NCOR2: variants seen among roughly 807,000 people sequenced by gnomAD.
The protein encoded by NCOR2 is CTG repeat protein 26.
NCOR2 carries 81 observed loss-of-function variants against 262.9 expected under a neutral mutation model. That is an observed-to-expected ratio of 0.31 (90% CI 0.26 to 0.37). The LOEUF (loss-of-function observed/expected upper bound fraction) is 0.37, where lower values mean the gene tolerates loss of function less well. Among genes scored for constraint, NCOR2 ranks in the 10% least tolerant of loss-of-function variants. The pLI is 1.00. For synonymous variants in NCOR2, 1,659 were observed against 1,559.3 expected, an observed-to-expected ratio of 1.06 and a Z score of -1.51; for missense variants, 3,385 against 3,621.4, an observed-to-expected ratio of 0.93 and a Z score of 1.68.
chr12:124,467,233 C>T (rs1219064228), intron 4 of NCOR2, among the ~76,000 whole-genome samples: 2 of 110,364 alleles, frequency 1.8e-5, no homozygotes, highest in African/African-American at 7.2e-5. Flanking sequence ...TCATCACCCC[C>T]CTCATCTTCA....
At chr12:124,329,965 G>C (rs2035039826) in intron 44 of NCOR2, among the ~76,000 whole-genome samples, 1 of 152,232 alleles carries the variant, frequency 6.6e-6, no homozygotes, top group African/African-American at 2.4e-5. Flanking sequence ...TCACTGGGCA[G>C]GTGGAGGTGT....
chr12:124,464,777 A>T (rs993620654), intron 5 of NCOR2, among the ~76,000 whole-genome samples: 1 of 152,178 alleles, frequency 6.6e-6, no homozygotes, highest in African/African-American at 2.4e-5. Flanking sequence ...CATGAGGCAC[A>T]GGAAGGTTTA....
At chr12:124,354,112 T>C (rs1208772467) in exon 27 of NCOR2, 1 of 1,610,232 alleles carries the variant, frequency 6.2e-7, no homozygotes, top group Admixed American at 1.7e-5. Flanking sequence ...GGAGCCGCGG[T>C]ATGTGATGGC....
chr12:124,434,957 C>G (rs1028613490), intron 8 of NCOR2, among the ~76,000 whole-genome samples: 1 of 152,168 alleles, frequency 6.6e-6, no homozygotes, highest in East Asian at 1.9e-4. Context: ...ACTACAAATA[C>G]ATGTATTAAG....
At chr12:124,342,954 G>A (rs765246754) in intron 33 of NCOR2, 51 bp downstream of exon 35, 16 of 1,587,954 alleles carry the variant, frequency 1.0e-5, no homozygotes, top group Admixed American at 6.9e-5. Flanking sequence ...GATGAGGTCC[G>A]TGGCCCTGTT....
At chr12:124,337,870 C>T (rs1201847506) in intron 37 of NCOR2, among the ~76,000 whole-genome samples, 2 of 152,270 alleles carry the variant, frequency 1.3e-5, no homozygotes, top group Non-Finnish European at 2.9e-5. Flanking sequence ...TCCATGGGGG[C>T]ACCCCCATCT....
intron 1 of NCOR2, among the ~76,000 whole-genome samples, chr12:124,487,242 A>G (rs1022661419): frequency 2.0e-5 from 3 of 152,108 alleles, no homozygotes; most frequent in African/African-American, 2.4e-5. Context: ...CAGGAGAAGG[A>G]TGGATGGTGG....
chr12:124,447,504 T>C (rs1019501510), intron 7 of NCOR2, among the ~76,000 whole-genome samples: 2 of 152,170 alleles, frequency 1.3e-5, no homozygotes, highest in African/African-American at 4.8e-5. Context: ...ACCACAGTAT[T>C]CAGCTTAAAA....
intron 6 of NCOR2, among the ~76,000 whole-genome samples, chr12:124,453,978 C>T (rs2045699199): frequency 6.6e-6 from 1 of 152,202 alleles, no homozygotes. Flanking sequence ...TGGAAGACAC[C>T]CTGGGAACTG....
intron 20 of NCOR2, among the ~76,000 whole-genome samples, chr12:124,366,852 A>G (rs1267833278): frequency 6.6e-6 from 1 of 152,164 alleles, no homozygotes; most frequent in Non-Finnish European, 1.5e-5. Context: ...AATGTATGGT[A>G]TATGAATGAT....
At chr12:124,429,363 G>T in intron 10 of NCOR2, 1 of 530,918 alleles carries the variant, frequency 1.9e-6, no homozygotes, top group South Asian at 2.3e-5. Context: ...TCTGGATGGG[G>T]GAGCGCCAGG....
At chr12:124,557,169 G>C (rs888828108) in intron 1 of NCOR2, among the ~76,000 whole-genome samples, 1 of 152,228 alleles carries the variant, frequency 6.6e-6, no homozygotes. Context: ...GCTGCCACGT[G>C]GGGGATGGGT....
At chr12:124,334,673 T>TGGG in intron 40 of NCOR2, 56 bp from the exon 43 acceptor site, 1 of 430,436 alleles carries the variant, frequency 2.3e-6, no homozygotes, top group Non-Finnish European at 3.6e-6. Flanking sequence ...CAGAACCTTC[T>TGGG]GGGGGTGGGG....
Position 124,506,277 on chromosome 12 carries a change from AC to A in NCOR2, c.-117-10910del, listed in dbSNP as rs374673822. On this transcript the variant is annotated intron_variant, in intron 1 of 46. Coordinates refer to the NCOR2 transcript ENST00000404621. ...ACACAGTCAGGATACGGGTGCCCAA[AC>A]CCCCGGCCCTCCCCACGGCCCTGCC... Among the ~76,000 whole-genome samples the A allele has an allele frequency of 3.8e-3, 582 of 152,076 alleles. 4 individuals are homozygous for A. The highest frequency in any genetic ancestry group is 0.013 in the African/African-American group (558 of 41,478).
In NCOR2 at chr12:124,503,449, G is replaced by C. The variant is rs1036443834; in HGVS notation, c.-117-8081C>G. 6.6e-6 allele frequency among the ~76,000 whole-genome samples: 1 copy of C among 151,890 alleles called. No homozygotes were observed. The highest frequency in any genetic ancestry group is 2.4e-5 in the African/African-American group (1 of 41,408). The stretch of plus-strand genomic sequence containing the variant: ...AATGCATGCATGGATAGAGAAAGGA[G>C]GAAGGATGCATGGACTGATGGATGG... On this transcript the variant is annotated intron_variant, in intron 1 of 46. Coordinates refer to the NCOR2 transcript ENST00000404621. This position sits in a 1 kb window ranked among gnomAD's most constrained non-coding sequence, Gnocchi z 4.3.
chr12:124,508,526 C>G (rs1279826805), intron 1 of NCOR2, among the ~76,000 whole-genome samples: 1 of 152,160 alleles, frequency 6.6e-6, no homozygotes, highest in Non-Finnish European at 1.5e-5. Flanking sequence ...CCCAGGCAGG[C>G]ACCACGCCGA....
At chr12:124,439,413 C>A (rs1322834715) in intron 7 of NCOR2, among the ~76,000 whole-genome samples, 5 of 126,180 alleles carry the variant, frequency 4.0e-5, no homozygotes, top group African/African-American at 9.2e-5. Context: ...AGACAGAGAC[C>A]CAGAGAGAGA....
chr12:124,556,773 A>C (rs1405046858), intron 1 of NCOR2, among the ~76,000 whole-genome samples: 1 of 152,016 alleles, frequency 6.6e-6, no homozygotes, highest in African/African-American at 2.4e-5. Flanking sequence ...GCTTCAACTC[A>C]GGAGGCAGAG....
chr12:124,337,052 G>A (rs1156955456), exon 38 of NCOR2: 2 of 1,491,880 alleles, frequency 1.3e-6, no homozygotes, highest in Non-Finnish European at 1.8e-6. Flanking sequence ...GACCCGGGGG[G>A]CCTCCTTGGG....
Sources: gnomAD v4.1 joint callset for allele counts (sites outside exome capture counted in the v4.1 genomes callset) on GRCh38, gnomAD v4.1.1 for gene constraint, Gnocchi (gnomAD v3.1) non-coding constraint, MANE v1.5 for transcripts, NCBI Gene and HGNC (gene_info 2026-07-23, HGNC 2026-07-21) for gene names.